Variants in LAMA2 observed in about 807,000 individuals in gnomAD.
LAMA2 encodes the protein laminin subunit alpha 2, also known as laminin subunit alpha-2.
LAMA2 carries 269 observed loss-of-function variants against 364.8 expected under a neutral mutation model. That is an observed-to-expected ratio of 0.74 (90% confidence interval 0.67 to 0.82). The LOEUF is 0.82. Ranked by LOEUF, LAMA2 falls within the 40% of genes least tolerant of loss-of-function variation. LAMA2 has a pLI of 0.00. For missense variants in LAMA2, 3,807 were observed against 3,873.2 expected (o/e 0.98, Z 0.45); for synonymous variants, 1,379 against 1,370.6 (o/e 1.01, Z -0.14).
chr6:129,312,984 T>C lies in LAMA2; in HGVS notation c.3298T>C (p.Tyr1100His), dbSNP rs750135030. The change falls in exon 23 of 65, where the codon TAC becomes CAC. Residue 1100 changes from tyrosine to histidine, a missense_variant. Transcript: ENST00000421865. The stretch of plus-strand genomic sequence containing the variant: ...AGAGTGCAGTCGAGGTCACTGGAAC[T>C]ACCCTCGCTGCAATCTCTGTGACTG... ...CTECSRGHWN[Y>H]PRCNLCDCFL... is the part of the protein sequence containing the mutation. 2 of 1,614,092 alleles carry C rather than the reference T, an allele frequency of 1.2e-6. No individual in the cohort carries two copies. Among genetic ancestry groups the C allele is most frequent in the East Asian group, 2.2e-5 (1 of 44,876 alleles).
chr6:129,231,648 A>G (rs1019362661), intron 12 of LAMA2, among the ~76,000 whole-genome samples: 6 of 152,258 alleles, frequency 3.9e-5, no homozygotes, highest in African/African-American at 1.4e-4. Context: ...TTCTAGGCAT[A>G]CACACACTTT....
At chr6:128,978,395 G>GC (rs1474884777) in intron 1 of LAMA2, among the ~76,000 whole-genome samples, 14 of 145,612 alleles carry the variant, frequency 9.6e-5, no homozygotes, top group Non-Finnish European at 1.6e-4. Context: ...TCGGCTCACT[G>GC]CAACATTCGC....
chr6:129,401,195 T>G, intron 37 of LAMA2, 29 bp from the exon 38 acceptor site: 1 of 1,379,260 alleles, frequency 7.3e-7, no homozygotes, highest in African/African-American at 1.4e-5. Context: ...AAAATGCAAT[T>G]TTGATGTCTT....
chr6:129,216,304 A>T (rs906634624), intron 12 of LAMA2, among the ~76,000 whole-genome samples: 1 of 152,214 alleles, frequency 6.6e-6, no homozygotes, highest in Non-Finnish European at 1.5e-5. Flanking sequence ...CATGCCTTTC[A>T]TACATTAGAG....
At chr6:129,411,636 C>T (rs544473682) in intron 40 of LAMA2, among the ~76,000 whole-genome samples, 25 of 152,204 alleles carry the variant, frequency 1.6e-4, no homozygotes, top group African/African-American at 5.5e-4. Context: ...ATAAACAGGA[C>T]TTTTGAAACT....
rs1562389593 is a variant in LAMA2, at chr6:129,260,805, AC to A, written c.2192del (p.Thr731MetfsTer44). ...VEVCQCPPGY[T>X]GSSCESCWPR... ...AGTGTGTCAGTGCCCACCAGGGTAT[AC>A]TGGCTCCTCTTGTGAAGTAAGCTTG... On this transcript the variant is annotated frameshift_variant, in exon 15 of 65. Coordinates refer to ENST00000421865, the MANE Select transcript of LAMA2 (RefSeq NM_000426.4). LOFTEE classifies it high-confidence loss of function. 1.9e-6 allele frequency: 3 copies of A among 1,602,820 alleles called. No individual in the cohort carries two copies. Among genetic ancestry groups the A allele is most frequent in the Non-Finnish European group, 2.6e-6 (3 of 1,169,908 alleles).
At chr6:129,445,529 C>A in intron 44 of LAMA2, 138 bp from the exon 45 acceptor site, 1 of 721,516 alleles carries the variant, frequency 1.4e-6, no homozygotes, top group Non-Finnish European at 2.4e-6. Context: ...TGCCATCACA[C>A]ATTTTGCTTT....
In LAMA2 at chr6:129,366,359, A is replaced by T. The variant is rs762342110; in HGVS notation, c.4858A>T (p.Lys1620Ter). The change falls in exon 33 of 65, where the codon AAG becomes TAG. Residue 1620 changes from lysine (K) to a stop codon, truncating the protein, a stop_gained and splice_region_variant. Transcript: ENST00000421865. LOFTEE classifies it high-confidence loss of function. ...TCTTGAAAATATGACTCAGGAGCTAAAGGTAGGTTGGTGCAGTCACAAGCA... is the reference window on the plus strand; with the variant it reads ...TCTTGAAAATATGACTCAGGAGCTATAGGTAGGTTGGTGCAGTCACAAGCA... ...YGLENMTQEL[K>*]HLLSPQRAPE... is the part of the protein sequence containing the mutation. 2 of 1,613,362 alleles carry T rather than the reference A, an allele frequency of 1.2e-6. No homozygotes were observed. Among genetic ancestry groups the T allele is most frequent in the African/African-American group, 2.7e-5 (2 of 74,864 alleles).
chr6:129,262,593 A>G (rs182815019), intron 15 of LAMA2, among the ~76,000 whole-genome samples: 1 of 152,318 alleles, frequency 6.6e-6, no homozygotes, highest in East Asian at 1.9e-4. Flanking sequence ...TTGAATCAAG[A>G]GACAATGAAT....
chr6:128,910,137 G>T (rs1484475360), intron 1 of LAMA2, among the ~76,000 whole-genome samples: 2 of 152,080 alleles, frequency 1.3e-5, no homozygotes, highest in Admixed American at 6.5e-5. Context: ...TTCTCGAGAA[G>T]TATCTTTGTG....
chr6:128,939,813 A>G (rs934982987), intron 1 of LAMA2, among the ~76,000 whole-genome samples: 1 of 152,184 alleles, frequency 6.6e-6, no homozygotes, highest in Non-Finnish European at 1.5e-5. Context: ...CTAAGAAACA[A>G]GAATCTCTCC....
chr6:129,500,844 T>G (rs56030366), intron 58 of LAMA2, among the ~76,000 whole-genome samples: 3,942 of 152,258 alleles, frequency 0.026, 162 homozygotes, highest in African/African-American at 0.086. Context: ...TTTTTAAATT[T>G]TAATAGAGAA....
intron 58 of LAMA2, among the ~76,000 whole-genome samples, chr6:129,499,187 CTAGTACTT>C (rs1201038083): frequency 6.6e-6 from 1 of 152,150 alleles, no homozygotes; most frequent in Non-Finnish European, 1.5e-5. Context: ...TTATCTATTT[CTAGTACTT>C]TAAAAAGTCC....
At chr6:129,335,001 T>C (rs1775867624) in intron 29 of LAMA2, among the ~76,000 whole-genome samples, 1 of 152,234 alleles carries the variant, frequency 6.6e-6, no homozygotes, top group Non-Finnish European at 1.5e-5. Context: ...TATTTGGAGA[T>C]GGGCACTCAC....
At chr6:129,318,207 G>A (rs1774731891) in intron 27 of LAMA2, among the ~76,000 whole-genome samples, 4 of 152,278 alleles carry the variant, frequency 2.6e-5, no homozygotes, top group Admixed American at 2.0e-4. Flanking sequence ...CTCAAAAGCA[G>A]AGAGTTTAAG....
chr6:129,283,752 T>G (rs1788898815), intron 18 of LAMA2, among the ~76,000 whole-genome samples: 2 of 151,890 alleles, frequency 1.3e-5, no homozygotes, highest in African/African-American at 2.4e-5. Context: ...TCAGAATGTC[T>G]GAATTCGAAT....
At chr6:129,043,867 G>T (rs550533224) in intron 1 of LAMA2, among the ~76,000 whole-genome samples, 18 of 152,080 alleles carry the variant, frequency 1.2e-4, no homozygotes, top group Admixed American at 3.3e-4. Flanking sequence ...TAAAATCTCT[G>T]TTCAGTTTTT....
chr6:129,260,521 G>A (rs561336173), intron 14 of LAMA2, among the ~76,000 whole-genome samples, 190 bp from the exon 15 acceptor site: 4 of 152,214 alleles, frequency 2.6e-5, no homozygotes, highest in African/African-American at 9.6e-5. Context: ...GTGATTGTGA[G>A]CACTTTAGAC....
chr6:128,978,171 A>G (rs1020310338), intron 1 of LAMA2, among the ~76,000 whole-genome samples: 2 of 152,200 alleles, frequency 1.3e-5, no homozygotes, highest in African/African-American at 2.4e-5. Flanking sequence ...AGTCAAAGGC[A>G]GGGTCTGAGA....
Sources: gnomAD v4.1 joint callset for allele counts (sites outside exome capture counted in the v4.1 genomes callset) on GRCh38, gnomAD v4.1.1 for gene constraint, MANE v1.5 for transcripts, NCBI Gene and HGNC (gene_info 2026-07-23, HGNC 2026-07-21) for gene names.